MACROD2: variants seen among roughly 807,000 people sequenced by gnomAD.
MACROD2 encodes the protein mono-ADP ribosylhydrolase 2, also known as ADP-ribose glycohydrolase MACROD2.
Under a neutral mutation model 70.4 loss-of-function variants are expected in MACROD2, and 36 were observed. The ratio of observed to expected loss-of-function variants is 0.51; its 90% confidence interval spans 0.39 to 0.68. The LOEUF (loss-of-function observed/expected upper bound fraction) is 0.68. Among genes scored for constraint, MACROD2 ranks in the 30% least tolerant of loss-of-function variants. MACROD2 has a pLI of 0.00. For missense variants in MACROD2, 496 were observed against 538.4 expected (o/e 0.92, Z 0.78); for synonymous variants, 172 against 178.8 (o/e 0.96, Z 0.30).
chr20:14,904,524 C>A (rs190226738), intron 5 of MACROD2, among the ~76,000 whole-genome samples: 85 of 152,030 alleles, frequency 5.6e-4, no homozygotes, highest in African/African-American at 2.0e-3. Flanking sequence ...GTCTGTGTAC[C>A]AATGTATATA....
chr20:15,192,014 G>GTATGTATCTATC (rs775631414), intron 5 of MACROD2, among the ~76,000 whole-genome samples: 22 of 146,388 alleles, frequency 1.5e-4, no homozygotes, highest in Non-Finnish European at 2.5e-4. Flanking sequence ...TATTAACTAT[G>GTATGTATCTATC]TATCTATCTA....
intron 3 of MACROD2, among the ~76,000 whole-genome samples, chr20:14,307,312 C>T (rs1297611299): frequency 1.3e-5 from 2 of 152,098 alleles, no homozygotes; most frequent in East Asian, 3.9e-4. Context: ...TTGACCTAAA[C>T]TCATAACATG....
intron 8 of MACROD2, among the ~76,000 whole-genome samples, chr20:15,693,241 GACAATT>G (rs1445243766): frequency 7.9e-5 from 12 of 152,136 alleles, no homozygotes; most frequent in South Asian, 2.1e-4. Context: ...AATACATAAT[GACAATT>G]TCTGGCTTTG....
chr20:15,532,146 A>G (rs1568872549), intron 8 of MACROD2, among the ~76,000 whole-genome samples: 3 of 152,160 alleles, frequency 2.0e-5, no homozygotes. Context: ...GGGCAGATCT[A>G]GTGTTGCCAG....
chr20:15,268,381 G>GT (rs2077315622), intron 6 of MACROD2, among the ~76,000 whole-genome samples: 1 of 152,226 alleles, frequency 6.6e-6, no homozygotes, highest in Admixed American at 6.5e-5. Flanking sequence ...GGCCAGCGCA[G>GT]TGGCTCACGC....
At chr20:14,900,315 A>C (rs2073880188) in intron 5 of MACROD2, among the ~76,000 whole-genome samples, 1 of 152,134 alleles carries the variant, frequency 6.6e-6, no homozygotes, top group Non-Finnish European at 1.5e-5. Flanking sequence ...TCCGAATAAT[A>C]CTGGCTTCAT....
chr20:15,082,013 A>C lies in MACROD2; in HGVS notation c.419-147927A>C, dbSNP rs547434494. Among the ~76,000 whole-genome samples the C allele has an allele frequency of 3.3e-5, 5 of 152,280 alleles. No homozygotes were observed. In the East Asian group the frequency reaches 9.7e-4, roughly 29 times the overall value. ...CTGGGAGGCGTGGACCAATTTATAG[A>C]TGTCCTAGGCAGGAGCCAGGCTACT... On this transcript the variant is annotated intron_variant, in intron 5 of 17. Coordinates refer to ENST00000684519, the MANE Select transcript of MACROD2 (RefSeq NM_001351661.2).
intron 3 of MACROD2, chr20:14,325,824 C>T (rs776951395): frequency 1.9e-6 from 3 of 1,613,886 alleles, no homozygotes; most frequent in Admixed American, 1.7e-5. Context: ...ATGCACAGTT[C>T]CTTGAGAAGA....
At chr20:14,414,669 G>A (rs73901247) in intron 3 of MACROD2, among the ~76,000 whole-genome samples, 2 of 152,106 alleles carry the variant, frequency 1.3e-5, no homozygotes, top group African/African-American at 2.4e-5. Context: ...TACCATGTCC[G>A]TCAAGGCCCT....
At chr20:14,995,009 T>C (rs1412120953) in intron 5 of MACROD2, among the ~76,000 whole-genome samples, 1 of 152,050 alleles carries the variant, frequency 6.6e-6, no homozygotes, top group Non-Finnish European at 1.5e-5. Flanking sequence ...AATTTAGTTG[T>C]TTTTTTCAAA....
chr20:15,690,670 C>A, intron 8 of MACROD2, among the ~76,000 whole-genome samples: 1 of 152,174 alleles, frequency 6.6e-6, no homozygotes, highest in African/African-American at 2.4e-5. Context: ...TGAACCCACC[C>A]CTTTCCCTAG....
intron 4 of MACROD2, among the ~76,000 whole-genome samples, chr20:14,616,670 G>C (rs962088567): frequency 1.3e-5 from 2 of 152,110 alleles, no homozygotes; most frequent in Non-Finnish European, 2.9e-5. Flanking sequence ...AGGGGACTCA[G>C]CTGTGGGACA....
chr20:14,289,387 C>T (rs962061594), intron 3 of MACROD2, among the ~76,000 whole-genome samples: 1 of 152,222 alleles, frequency 6.6e-6, no homozygotes, highest in Non-Finnish European at 1.5e-5. Flanking sequence ...TTGAACAATA[C>T]AAAGGTGTGG....
chr20:15,737,965 C>T (rs2051049248), intron 8 of MACROD2, among the ~76,000 whole-genome samples: 1 of 151,766 alleles, frequency 6.6e-6, no homozygotes, highest in Non-Finnish European at 1.5e-5. Context: ...GGTAGACAGA[C>T]AGGTAAATAT....
intron 2 of MACROD2, among the ~76,000 whole-genome samples, chr20:14,023,115 T>C (rs2053111227): frequency 6.6e-6 from 1 of 152,246 alleles, no homozygotes; most frequent in South Asian, 2.1e-4. Context: ...CGTGAGATAG[T>C]ATCTCATTGT....
At chr20:14,857,770 T>C (rs1475102925) in intron 5 of MACROD2, among the ~76,000 whole-genome samples, 1 of 151,372 alleles carries the variant, frequency 6.6e-6, no homozygotes, top group Admixed American at 6.6e-5. Flanking sequence ...ATTAATACCT[T>C]TGTGGAGTTA....
intron 8 of MACROD2, among the ~76,000 whole-genome samples, chr20:15,618,339 C>T (rs1394883555): frequency 3.3e-5 from 5 of 152,146 alleles, no homozygotes; most frequent in Non-Finnish European, 5.9e-5. Flanking sequence ...TTTAATCTCA[C>T]ACCAGGCCTC....
At chr20:15,079,769 T>C (rs1031713760) in intron 5 of MACROD2, among the ~76,000 whole-genome samples, 8 of 151,972 alleles carry the variant, frequency 5.3e-5, no homozygotes, top group Non-Finnish European at 1.2e-4. Context: ...GGGGAAAAGC[T>C]CACAACCACA....
At chr20:15,824,470 A>T (rs941169431) in intron 8 of MACROD2, among the ~76,000 whole-genome samples, 1 of 152,178 alleles carries the variant, frequency 6.6e-6, no homozygotes, top group Non-Finnish European at 1.5e-5. Flanking sequence ...GCAAGCTTGA[A>T]TGAAAATTAT....
Sources: allele counts gnomAD v4.1 joint callset (sites outside exome capture counted in the v4.1 genomes callset), GRCh38; gene constraint gnomAD v4.1.1; transcripts MANE v1.5; gene names NCBI Gene and HGNC (gene_info 2026-07-23, HGNC 2026-07-21).